Variants in VPS35L observed in about 807,000 individuals in gnomAD.
VPS35L encodes the protein VPS35 endosomal protein sorting factor like.
VPS35L carries 83 observed loss-of-function variants against 133.0 expected under a neutral mutation model. That is an observed-to-expected ratio of 0.62 (90% CI 0.52 to 0.75). The LOEUF (loss-of-function observed/expected upper bound fraction) is 0.75. Ranked by LOEUF, VPS35L falls within the 30% of genes least tolerant of loss-of-function variation. VPS35L has a pLI of 0.00. For missense variants in VPS35L, 1,083 were observed against 1,206.8 expected, an observed-to-expected ratio of 0.90 and a Z score of 1.52; for synonymous variants, 423 against 449.9, an observed-to-expected ratio of 0.94 and a Z score of 0.76.
chr16:19,585,957 G>A lies in VPS35L; in HGVS notation c.639+4304G>A, dbSNP rs535206562. 5.9e-5 allele frequency among the ~76,000 whole-genome samples: 9 copies of A among 152,106 alleles called. No homozygotes were observed. In the South Asian group the frequency reaches 1.2e-3, roughly 21 times the overall value. On this transcript the variant is annotated intron_variant, in intron 7 of 30. Transcript: ENST00000417362. ...CTATGACTCCAGATGGAGTGCAGTG[G>A]TGCCATCACAGCTCAATATAGCCTT...
intron 8 of VPS35L, among the ~76,000 whole-genome samples, chr16:19,592,310 C>T (rs1359480339): frequency 6.6e-6 from 1 of 151,440 alleles, no homozygotes; most frequent in Non-Finnish European, 1.5e-5. Context: ...AAACTCCTAG[C>T]CTCAAGTGAT....
Position 19,639,527 on chromosome 16 carries a change from T to G in VPS35L, c.1699-488T>G, listed in dbSNP as rs1439673982. Among the ~76,000 whole-genome samples, 6 of 152,154 alleles carry G rather than the reference T, an allele frequency of 3.9e-5. No individual in the cohort carries two copies. The highest frequency in any genetic ancestry group is 5.9e-5 in the Non-Finnish European group (4 of 68,022). ...TTTTAATAGTAACAGCTTTTTATTTTGTTTGTTTGTTTATTTTTGAGATAG... is the reference window on the plus strand; with the variant it reads ...TTTTAATAGTAACAGCTTTTTATTTGGTTTGTTTGTTTATTTTTGAGATAG... On this transcript the variant is annotated intron_variant, in intron 20 of 30. Coordinates refer to ENST00000417362, the MANE Select transcript of VPS35L (RefSeq NM_020314.7). The surrounding 1 kb of genome is among the most constrained non-coding windows in gnomAD (Gnocchi z 4.1).
intron 29 of VPS35L, among the ~76,000 whole-genome samples, chr16:19,697,743 C>T (rs560404474): frequency 7.2e-5 from 11 of 152,248 alleles, no homozygotes; most frequent in African/African-American, 2.2e-4. Flanking sequence ...ACTGCATAGC[C>T]AAAGTTGGCT....
At chr16:19,566,692 G>A (rs187519913) in intron 2 of VPS35L, among the ~76,000 whole-genome samples, 22 of 152,188 alleles carry the variant, frequency 1.4e-4, no homozygotes, top group African/African-American at 4.8e-4. Context: ...AGAAACAGCC[G>A]GATTGGTTAC....
intron 28 of VPS35L, among the ~76,000 whole-genome samples, chr16:19,683,741 G>A (rs1352493728): frequency 2.6e-5 from 4 of 152,300 alleles, no homozygotes; most frequent in South Asian, 2.1e-4. Context: ...TTGCTATTGC[G>A]AATAGTGCTG....
At chr16:19,687,839 G>A (rs1298274480) in intron 28 of VPS35L, among the ~76,000 whole-genome samples, 3 of 152,044 alleles carry the variant, frequency 2.0e-5, no homozygotes, top group Non-Finnish European at 2.9e-5. Context: ...ATGGCCGGGC[G>A]CGGTGGCTCA....
Position 19,651,352 on chromosome 16 carries a change from A to G in VPS35L, c.2107-624A>G, listed in dbSNP as rs76042705. Among the ~76,000 whole-genome samples the G allele has an allele frequency of 5.8e-3, 882 of 151,694 alleles. 11 individuals carry two copies. Among genetic ancestry groups the G allele is most frequent in the African/African-American group, 0.02 (824 of 41,322 alleles). ...CGTGGCACCATCATAGCTCACTGTA[A>G]CCACCATATCCGGGTAATTTTTTTG... is the stretch of plus-strand genomic sequence containing the variant. On this transcript the variant is annotated intron_variant, in intron 25 of 30. Transcript: ENST00000417362.
intron 24 of VPS35L, among the ~76,000 whole-genome samples, chr16:19,648,892 A>G (rs1466898597): frequency 7.1e-6 from 1 of 140,832 alleles, no homozygotes; most frequent in African/African-American, 2.7e-5. Flanking sequence ...AAAAAAAAAA[A>G]AAAAGTTAGG....
At chr16:19,572,401 G>T (rs1033208036) in intron 3 of VPS35L, among the ~76,000 whole-genome samples, 4 of 152,182 alleles carry the variant, frequency 2.6e-5, no homozygotes, top group Admixed American at 6.5e-5. Context: ...CTGGGCAACA[G>T]AGCGAGACTC....
intron 10 of VPS35L, 138 bp downstream of exon 10, chr16:19,608,412 C>T (rs1972604316): frequency 1.5e-6 from 1 of 672,010 alleles, no homozygotes; most frequent in Non-Finnish European, 2.6e-6. Context: ...AGCCTGAAAA[C>T]ACATACAGGG....
intron 29 of VPS35L, among the ~76,000 whole-genome samples, chr16:19,697,739 T>C (rs901929075): frequency 2.0e-5 from 3 of 152,312 alleles, no homozygotes; most frequent in Non-Finnish European, 4.4e-5. Context: ...TACAACTGCA[T>C]AGCCAAAGTT....
At chr16:19,588,178 TG>T (rs1239193473) in intron 7 of VPS35L, among the ~76,000 whole-genome samples, 2 of 150,930 alleles carry the variant, frequency 1.3e-5, no homozygotes, top group Admixed American at 1.3e-4. Flanking sequence ...TATGTATGTA[TG>T]TATGTATGTA....
intron 14 of VPS35L, among the ~76,000 whole-genome samples, chr16:19,621,169 C>A (rs547765632): frequency 1.3e-5 from 2 of 152,126 alleles, no homozygotes; most frequent in African/African-American, 4.8e-5. Context: ...ATATCTCCAA[C>A]CCAGTATTTA....
At chr16:19,572,203 A>C (rs1203258456) in intron 3 of VPS35L, among the ~76,000 whole-genome samples, 1 of 152,112 alleles carries the variant, frequency 6.6e-6, no homozygotes, top group Non-Finnish European at 1.5e-5. Context: ...GCGGATCATG[A>C]GGTCAGGAAT....
chr16:19,563,564 C>T (rs1971092224), intron 1 of VPS35L, among the ~76,000 whole-genome samples: 1 of 152,180 alleles, frequency 6.6e-6, no homozygotes, highest in Non-Finnish European at 1.5e-5. Context: ...GTTAGGCCTT[C>T]TCTTCACGTT....
At position 19,647,672 on chromosome 16, in the gene VPS35L, T is replaced by C. The variant is rs954368313; in HGVS notation, c.1930-112T>C. 7.1e-6 allele frequency: 6 copies of C among 844,708 alleles called. No homozygotes were observed. In the Admixed American group the frequency reaches 9.3e-5, roughly 13 times the overall value. 52.3% of individuals were successfully genotyped at this position (844,708 alleles called of 1,614,324 possible). On this transcript the variant is annotated intron_variant, in intron 23 of 30. Transcript: ENST00000417362. ...TTCGACTTCTTAGGTTCTAGTCCAG[T>C]GCCCACGTCATAAAGATGAGGTGGC...
At chr16:19,625,051 C>T (rs571770818) in intron 14 of VPS35L, among the ~76,000 whole-genome samples, 2 of 150,788 alleles carry the variant, frequency 1.3e-5, no homozygotes, top group Non-Finnish European at 3.0e-5. Context: ...AGCTCCAAAG[C>T]CATTAACAGT....
At chr16:19,648,874 C>CAAA (rs552677405) in intron 24 of VPS35L, among the ~76,000 whole-genome samples, 8 of 91,832 alleles carry the variant, frequency 8.7e-5, no homozygotes, top group African/African-American at 1.8e-4. Flanking sequence ...GACTCCATCT[C>CAAA]AAAAAAAAAA....
chr16:19,586,191 C>T (rs1429682288), intron 7 of VPS35L, among the ~76,000 whole-genome samples: 2 of 151,124 alleles, frequency 1.3e-5, no homozygotes, highest in African/African-American at 2.4e-5. Context: ...TGAGCCAGTG[C>T]ACCTGGCCAG....
Sources: gnomAD v4.1 joint callset for allele counts (sites outside exome capture counted in the v4.1 genomes callset) on GRCh38, gnomAD v4.1.1 for gene constraint, Gnocchi (gnomAD v3.1) non-coding constraint, MANE v1.5 for transcripts, NCBI Gene and HGNC (gene_info 2026-07-23, HGNC 2026-07-21) for gene names.